Variants in FAM170A observed in about 807,000 individuals in gnomAD.
The protein encoded by FAM170A is protein FAM170A.
In FAM170A, 28 loss-of-function variants were observed where a neutral mutation model predicts 36.6. The ratio of observed to expected loss-of-function variants is 0.76; its 90% CI spans 0.57 to 1.05. The LOEUF (loss-of-function observed/expected upper bound fraction) is 1.05, where lower values mean the gene tolerates loss of function less well. FAM170A is among the 50% of genes least tolerant of loss of function. The pLI is 0.00. For synonymous variants in FAM170A, 156 were observed against 143.9 expected (o/e 1.08, Z -0.60); for missense variants, 434 against 396.5 (o/e 1.09, Z -0.80).
chr5:119,631,483 C>A (rs1054779813), intron 1 of FAM170A, among the ~76,000 whole-genome samples: 1 of 151,992 alleles, frequency 6.6e-6, no homozygotes, highest in Non-Finnish European at 1.5e-5. Flanking sequence ...GCGGGGTGAA[C>A]TTCCTATCAC....
At position 119,629,788 on chromosome 5, in the gene FAM170A, G is replaced by A. The variant is rs770200505; in HGVS notation, c.20G>A (p.Arg7Lys). The A allele has an allele frequency of 2.5e-6, 4 of 1,613,604 alleles. No individual in the cohort carries two copies. In the East Asian group the frequency reaches 8.9e-5, roughly 36 times the overall value. Reference sequence around the variant, plus strand: ...GATATCATGAAACGACGACAAAAGAGGAAACATTTGGAAAATGAAGAGTCC... The same window carrying A: ...GATATCATGAAACGACGACAAAAGAAGAAACATTTGGAAAATGAAGAGTCC... Residue 7 changes from arginine to lysine, a missense_variant, in exon 1 of 5, where the codon AGG becomes AAG. By Grantham distance (26) the Arg-to-Lys change is conservative (BLOSUM62 2). Transcript: ENST00000613773.
chr5:119,633,964 C>T (rs753192496), exon 3 of FAM170A: 27 of 1,606,678 alleles, frequency 1.7e-5, no homozygotes, highest in African/African-American at 2.7e-5. Flanking sequence ...TCCCAGGAAT[C>T]CAGAGAATAC....
chr5:119,629,923 G>C (rs904080469), intron 1 of FAM170A, 85 bp downstream of exon 1: 67 of 1,093,990 alleles, frequency 6.1e-5, no homozygotes, highest in South Asian at 6.1e-4. Context: ...ACGGAGTCTC[G>C]CTCTATCGCC....
At chr5:119,632,826 A>T in exon 2 of FAM170A, 1 of 1,613,182 alleles carries the variant, frequency 6.2e-7, no homozygotes, top group Non-Finnish European at 8.5e-7. Context: ...GGGGTGGGAG[A>T]AGTTACTTCT....
At chr5:119,632,995 A>T in intron 2 of FAM170A, 107 bp downstream of exon 2, 2 of 1,292,476 alleles carry the variant, frequency 1.5e-6, no homozygotes, top group Admixed American at 2.5e-5. Flanking sequence ...CTTTGGTTGC[A>T]GTGCTGCTTG....
In FAM170A at chr5:119,635,021, C is replaced by T; in HGVS notation, c.987-10C>T. The T allele has an allele frequency of 6.2e-6, 10 of 1,614,062 alleles. No homozygotes were observed. Among genetic ancestry groups the T allele is most frequent in the Non-Finnish European group, 8.5e-6 (10 of 1,179,960 alleles). The stretch of plus-strand genomic sequence containing the variant: ...AAGTGTCTTTCTTTGGTTTGATTTT[C>T]ACACAGCAGCTGAGACTTATGGGCC... On this transcript the variant is annotated splice_polypyrimidine_tract_variant and intron_variant, in intron 3 of 4. Coordinates refer to ENST00000613773, the Ensembl canonical transcript of FAM170A.
intron 2 of FAM170A, among the ~76,000 whole-genome samples, chr5:119,633,430 A>G (rs927984411): frequency 3.9e-5 from 6 of 152,002 alleles, no homozygotes; most frequent in Non-Finnish European, 8.8e-5. Context: ...GGGCCACAGG[A>G]CCAGATTAAG....
intron 1 of FAM170A, among the ~76,000 whole-genome samples, chr5:119,631,347 C>T (rs1756247092): frequency 1.3e-5 from 2 of 152,080 alleles, no homozygotes; most frequent in Non-Finnish European, 2.9e-5. Context: ...AATGGTTTTC[C>T]TCTCCTTCAT....
At chr5:119,632,832 C>T (rs1387651231) in exon 2 of FAM170A, 2 of 1,613,290 alleles carry the variant, frequency 1.2e-6, no homozygotes, top group South Asian at 2.2e-5. Context: ...GGAGAAGTTA[C>T]TTCTACCTCC....
At chr5:119,633,798 C>A (rs1036284986) in intron 2 of FAM170A, among the ~76,000 whole-genome samples, 162 bp from the exon 3 acceptor site, 1 of 152,162 alleles carries the variant, frequency 6.6e-6, no homozygotes, top group Non-Finnish European at 1.5e-5. Context: ...GCAAATGACA[C>A]TAGAATCACT....
Position 119,631,329 on chromosome 5 carries a change from G to A in FAM170A, c.71-1419G>A, listed in dbSNP as rs116241835. Among the ~76,000 whole-genome samples the A allele has an allele frequency of 6.1e-3, 922 of 152,278 alleles. 8 individuals carry two copies. The highest frequency in any genetic ancestry group is 0.021 in the African/African-American group (852 of 41,554). ...GAGAGCAGGGGGCTGGGACAGGAAG[G>A]GGAAGGCAATGGTTTTCCTCTCCTT... On this transcript the variant is annotated intron_variant, in intron 1 of 4. Transcript: ENST00000613773.
At chr5:119,633,007 G>T in intron 2 of FAM170A, 119 bp downstream of exon 2, 2 of 1,186,664 alleles carry the variant, frequency 1.7e-6, no homozygotes, top group Admixed American at 5.3e-5. Context: ...TGCTGCTTGG[G>T]TGTAAGACTC....
intron 2 of FAM170A, among the ~76,000 whole-genome samples, chr5:119,633,505 C>T (rs1324131961): frequency 2.0e-5 from 3 of 152,010 alleles, no homozygotes; most frequent in African/African-American, 7.3e-5. Context: ...TTCCTCAGCC[C>T]AGGCCTCCAG....
intron 1 of FAM170A, among the ~76,000 whole-genome samples, chr5:119,632,509 C>T (rs1303030407): frequency 6.6e-6 from 1 of 152,228 alleles, no homozygotes; most frequent in Non-Finnish European, 1.5e-5. Context: ...ATGTATCACT[C>T]TTACGCTTCA....
intron 1 of FAM170A, among the ~76,000 whole-genome samples, chr5:119,630,050 C>A (rs1346120824): frequency 2.0e-5 from 3 of 151,668 alleles, no homozygotes; most frequent in African/African-American, 7.3e-5. Context: ...CACCACCACG[C>A]CCGGCTAATT....
intron 1 of FAM170A, among the ~76,000 whole-genome samples, chr5:119,631,713 G>A (rs1026933680): frequency 6.6e-6 from 1 of 151,530 alleles, no homozygotes; most frequent in East Asian, 1.9e-4. Flanking sequence ...TTCCTACAGA[G>A]ATTTCTTGTG....
exon 3 of FAM170A, chr5:119,634,233 C>A (rs768147382): frequency 6.2e-7 from 1 of 1,614,208 alleles, no homozygotes; most frequent in Non-Finnish European, 8.5e-7. Context: ...GAAGAAGTGA[C>A]CCTTTCTGAG....
rs557231873 is a variant in FAM170A, at chr5:119,635,212, C to G, written c.*52+126C>G. 6 of 651,366 alleles carry G rather than the reference C, an allele frequency of 9.2e-6. No individual in the cohort carries two copies. The South Asian group carries it at 1.1e-4, about 12-fold the overall frequency. The allele number at this position is 651,366 out of a possible 1,614,324, so 40.3% of individuals were successfully genotyped here. A position where few individuals can be genotyped will look rare whatever the true frequency, so the allele number is the denominator to read the frequency against. On this transcript the variant is annotated intron_variant, in intron 4 of 4. Transcript: ENST00000613773. Reference sequence around the variant, plus strand: ...TGCAGCCACATCAACTTATCGTGCACCTGGTGCTTCTGGGGGAATTGTCCT... The same window carrying G: ...TGCAGCCACATCAACTTATCGTGCAGCTGGTGCTTCTGGGGGAATTGTCCT...
rs113676227 is a variant in FAM170A at position 119,633,524 on chromosome 5, C to T, written c.212-436C>T. Among the ~76,000 whole-genome samples the T allele has an allele frequency of 8.3e-4, 127 of 152,118 alleles. 1 individual carries two copies. The highest frequency in any genetic ancestry group is 2.9e-3 in the African/African-American group (122 of 41,468). Reference sequence around the variant, plus strand: ...TCAGCCCAGGCCTCCAGCACTGCAGCGGGACTCTAGCTCAGGCCCACACAC... The same window carrying T: ...TCAGCCCAGGCCTCCAGCACTGCAGTGGGACTCTAGCTCAGGCCCACACAC... On this transcript the variant is annotated intron_variant, in intron 2 of 4. Transcript: ENST00000613773.
Sources: gnomAD v4.1 joint callset for allele counts (sites outside exome capture counted in the v4.1 genomes callset) on GRCh38, gnomAD v4.1.1 for gene constraint, MANE v1.5 for transcripts, NCBI Gene and HGNC (gene_info 2026-07-23, HGNC 2026-07-21) for gene names.